SLC4A2: variants seen among roughly 807,000 people sequenced by gnomAD.
The protein encoded by SLC4A2 is anion exchange protein 2.
A neutral mutation model predicts 115.0 loss-of-function variants in SLC4A2; 36 were observed. That is an observed-to-expected ratio of 0.31 (90% CI 0.24 to 0.41). SLC4A2 has a LOEUF of 0.41. SLC4A2 is among the 10% of genes least tolerant of loss of function. SLC4A2 has a pLI of 1.00. For missense variants in SLC4A2, 1,252 were observed against 1,705.6 expected (o/e 0.73, Z 4.68); for synonymous variants, 708 against 708.3 (o/e 1.00, Z 0.01).
At chr7:151,063,140 C>CTGCCGGCTG (rs766788213) in intron 2 of SLC4A2, 1 of 1,466,978 alleles carries the variant, frequency 6.8e-7, no homozygotes. Context: ...GCCGCATTCC[C>CTGCCGGCTG]TGCCGGCTGT....
Position 151,071,770 on chromosome 7 carries a change from G to A in SLC4A2, c.2273G>A (p.Gly758Asp). Residue 758 changes from glycine (G) to aspartate (D), a missense_variant, in exon 15 of 23, where the codon GGT becomes GAT. Gly to Asp is a moderately conservative substitution (Grantham distance 94). This residue lies in a region of SLC4A2 where 118 missense variants were observed against 203.3 expected (regional missense o/e 0.58). Coordinates refer to ENST00000413384, the MANE Select transcript of SLC4A2 (RefSeq NM_003040.4). This position sits in a 1 kb window ranked among gnomAD's most constrained non-coding sequence, Gnocchi z 5.5. ...CAGGGCGTGGTCTTCTGCCTGCTGG[G>A]TGCCCAGCCCCTGTTGGTGATCGGC... ...ALQGVVFCLL[G>D]AQPLLVIGFS... 1.2e-6 allele frequency: 2 copies of A among 1,612,604 alleles called. No homozygotes were observed. Among genetic ancestry groups the A allele is most frequent in the Non-Finnish European group, 1.7e-6 (2 of 1,179,674 alleles).
Position 151,064,892 on chromosome 7 carries a change from G to A in SLC4A2, c.504G>A (p.Arg168=). 1.2e-6 allele frequency: 2 copies of A among 1,613,972 alleles called. No individual in the cohort carries two copies. Among genetic ancestry groups the A allele is most frequent in the African/African-American group, 1.3e-5 (1 of 75,032 alleles). The change falls in exon 5 of 23, where the codon AGG becomes AGA. Residue 168 remains arginine, a synonymous_variant. Coordinates refer to ENST00000413384, the MANE Select transcript of SLC4A2 (RefSeq NM_003040.4). ...ACAGTGCTGACCGGAAGGCAGAGAG[G>A]ACCAGTCCATCTTCCCCTGCACCAC... The part of the protein sequence containing the change: ...EDDSADRKAE[R]TSPSSPAPLP...
Position 151,066,684 on chromosome 7 carries a change from A to G in SLC4A2, c.746A>G (p.Gln249Arg). Residue 249 changes from glutamine to arginine, a missense_variant, in exon 6 of 23, where the codon CAG becomes CGG. Physicochemically the swap from Gln to Arg is conservative, Grantham distance 43 (BLOSUM62 1). Coordinates refer to ENST00000413384, the MANE Select transcript of SLC4A2 (RefSeq NM_003040.4). Reference protein sequence around the residue: ...RRIGSMTGAEQALLPRVPTDE... With the variant: ...RRIGSMTGAERALLPRVPTDE... ...ATCGGGAGCATGACTGGGGCTGAGCAGGCACTGCTGCCCCGGGTCCCCACG... is the reference window on the plus strand; with the variant it reads ...ATCGGGAGCATGACTGGGGCTGAGCGGGCACTGCTGCCCCGGGTCCCCACG... The G allele has an allele frequency of 6.4e-7, 1 of 1,551,480 alleles. No individual in the cohort carries two copies. Among genetic ancestry groups the G allele is most frequent in the Non-Finnish European group, 8.7e-7 (1 of 1,147,364 alleles).
intron 8 of SLC4A2, among the ~76,000 whole-genome samples, chr7:151,069,296 T>C (rs1034556022): frequency 3.3e-5 from 5 of 152,184 alleles, no homozygotes; most frequent in African/African-American, 9.7e-5. Flanking sequence ...GTCTCCAGCC[T>C]GGCTGCTCAG....
chr7:151,075,754 A>G lies in SLC4A2; in HGVS notation c.3450A>G (p.Pro1150=), dbSNP rs761840316. 6.2e-7 allele frequency: 1 copy of G among 1,606,860 alleles called. No individual in the cohort carries two copies. Residue 1150 remains proline (P), a synonymous_variant, in exon 21 of 23, where the codon CCA becomes CCG. Coordinates refer to ENST00000413384, the MANE Select transcript of SLC4A2 (RefSeq NM_003040.4). ...TGCTCATGCCGCCCAAACACCACCC[A>G]GATGTCACTTACGTCAAGAAGGTGA... ...HLLLMPPKHH[P]DVTYVKKVRT...
chr7:151,062,543 C>T lies in SLC4A2; in HGVS notation c.51+505C>T. 2.1e-6 allele frequency: 3 copies of T among 1,399,430 alleles called. No individual in the cohort carries two copies. In the South Asian group the frequency reaches 4.8e-5, roughly 22 times the overall value. The allele number at this position is 1,399,430 out of a possible 1,614,324, so 86.7% of individuals were successfully genotyped here. On this transcript the variant is annotated intron_variant, in intron 2 of 22. Coordinates refer to ENST00000413384, the MANE Select transcript of SLC4A2 (RefSeq NM_003040.4). ...ATGATTAACCCCGTGCCACAATCAG[C>T]TCCGCTATTGGTCACACTGGCCCAG...
At chr7:151,069,140 C>CAAAAA (rs397978007) in intron 8 of SLC4A2, among the ~76,000 whole-genome samples, 4,364 of 40,740 alleles carry the variant, frequency 0.11, 871 homozygotes, top group African/African-American at 0.24. Flanking sequence ...CTCTTATCAC[C>CAAAAA]AAAAAAAAAA....
intron 7 of SLC4A2, among the ~76,000 whole-genome samples, 183 bp from the exon 8 acceptor site, chr7:151,067,691 C>T (rs184938855): frequency 1.1e-4 from 17 of 152,312 alleles, no homozygotes; most frequent in South Asian, 2.1e-4. Flanking sequence ...GAAACTGCGT[C>T]TCATTGGTTA....
chr7:151,076,251 C>T (rs368963319), intron 22 of SLC4A2, 36 bp from the exon 23 acceptor site: 4 of 1,589,624 alleles, frequency 2.5e-6, no homozygotes, highest in East Asian at 2.2e-5. Flanking sequence ...AAGGCCCCCC[C>T]ACTTCCCTTC....
At position 151,075,253 on chromosome 7, in the gene SLC4A2, A is replaced by G; in HGVS notation, c.3048-2A>G. 1 of 1,612,580 alleles carries G rather than the reference A, an allele frequency of 6.2e-7. No homozygotes were observed. ...CCTCAGCAGCACCCCTCCCGCTCTC[A>G]GGCTCATCATCTCCAAGAAGGAGCG... On this transcript the variant is annotated splice_acceptor_variant, in intron 19 of 22. Coordinates refer to ENST00000413384, the MANE Select transcript of SLC4A2 (RefSeq NM_003040.4). LOFTEE classifies it high-confidence loss of function.
rs923347323 is a variant in SLC4A2 at position 151,076,480 on chromosome 7, T to G, written c.*113T>G. 5.5e-6 allele frequency: 5 copies of G among 901,090 alleles called. No homozygotes were observed. Among genetic ancestry groups the G allele is most frequent in the Non-Finnish European group, 8.0e-6 (5 of 622,648 alleles). 55.8% of individuals were successfully genotyped at this position (901,090 alleles called of 1,614,324 possible). A position where few individuals can be genotyped will look rare whatever the true frequency, so the allele number is the denominator to read the frequency against. ...TTATTTAAGTGAATAATTTAAAGTC[T>G]TCTCCTCCCCCACTGCCCCTGCAGT... On this transcript the variant is annotated 3_prime_UTR_variant, in exon 23 of 23. Transcript: ENST00000413384.
intron 8 of SLC4A2, among the ~76,000 whole-genome samples, chr7:151,069,617 G>A (rs1000913138): frequency 2.0e-5 from 3 of 152,196 alleles, no homozygotes; most frequent in Non-Finnish European, 4.4e-5. Context: ...GCCAGAGTGG[G>A]CGGCCTGGAC....
rs762368582 is a variant in SLC4A2, at chr7:151,075,647, C to A, written c.3343C>A (p.Leu1115Met). 4 of 1,605,150 alleles carry A rather than the reference C, an allele frequency of 2.5e-6. No individual in the cohort carries two copies. In the African/African-American group the frequency reaches 4.0e-5, roughly 16 times the overall value. ...VIGDLLRQIPLAVLFGIFLYM... is the reference protein window; with the variant it reads ...VIGDLLRQIPMAVLFGIFLYM... ...CGGGGATCTGCTCCGGCAGATCCCC[C>A]TGGCCGTGCTCTTTGGAATTTTCCT... Residue 1115 changes from leucine to methionine, a missense_variant, in exon 21 of 23, where the codon CTG becomes ATG. This residue lies in a region of SLC4A2 where 253 missense variants were observed against 407.4 expected (regional missense o/e 0.62). Coordinates refer to ENST00000413384, the MANE Select transcript of SLC4A2 (RefSeq NM_003040.4).
rs778979331 is a variant in SLC4A2, at chr7:151,066,742, C to T, written c.804C>T (p.Ala268=). Reference sequence around the variant, plus strand: ...TTGAGGCCCAGACGCTGGCCACGGCCGACCTAGACCTCATGAAGAGTAAGT... The same window carrying T: ...TTGAGGCCCAGACGCTGGCCACGGCTGACCTAGACCTCATGAAGAGTAAGT... ...DEIEAQTLAT[A]DLDLMKSHRF... The change falls in exon 6 of 23, where the codon GCC becomes GCT. Residue 268 remains alanine, a synonymous_variant. Transcript: ENST00000413384. 89 of 1,561,298 alleles carry T rather than the reference C, an allele frequency of 5.7e-5. No individual in the cohort carries two copies. Among genetic ancestry groups the T allele is most frequent in the East Asian group, 9.6e-5 (4 of 41,672 alleles).
intron 8 of SLC4A2, among the ~76,000 whole-genome samples, chr7:151,069,549 G>C (rs1797357096): frequency 6.6e-6 from 1 of 152,212 alleles, no homozygotes; most frequent in African/African-American, 2.4e-5. Flanking sequence ...TAGGCCCCTA[G>C]AGTGACACAG....
Position 151,072,124 on chromosome 7 carries a change from C to T in SLC4A2, c.2523C>T (p.Tyr841=), listed in dbSNP as rs1198516313. The part of the protein sequence containing the change: ...ISLIFIYETF[Y]KLVKIFQEHP... ...TCATCTTCATCTATGAGACCTTCTA[C>T]AAGCTGGTGAAGGTGGGCAGGCCCC... is the stretch of plus-strand genomic sequence containing the variant. Residue 841 remains tyrosine, a synonymous_variant, in exon 16 of 23, where the codon TAC becomes TAT. Transcript: ENST00000413384. The T allele has an allele frequency of 6.2e-7, 1 of 1,613,806 alleles. No individual in the cohort carries two copies. The highest frequency in any genetic ancestry group is 1.3e-5 in the African/African-American group (1 of 75,034).
Position 151,069,967 on chromosome 7 carries a change from G to A in SLC4A2, c.1168G>A (p.Asp390Asn), listed in dbSNP as rs1797374450. Residue 390 changes from aspartate to asparagine, a missense_variant, in exon 9 of 23, where the codon GAC (aspartate) becomes AAC (asparagine). Asp to Asn is a conservative substitution (Grantham distance 23, BLOSUM62 1). Transcript: ENST00000413384. ...LAHGAVLLDL[D>N]QQTLPGVAHQ... ...GCTAGGGGCTGTGCTCTTGGATCTG[G>A]ACCAGCAGACCCTGCCCGGAGTGGC... is the stretch of plus-strand genomic sequence containing the variant. 1 of 1,613,992 alleles carries A rather than the reference G, an allele frequency of 6.2e-7. No homozygotes were observed. Among genetic ancestry groups the A allele is most frequent in the East Asian group, 2.2e-5 (1 of 44,888 alleles).
Position 151,075,728 on chromosome 7 carries a change from C to T in SLC4A2, c.3424C>T (p.Leu1142=). 5 of 1,610,834 alleles carry T rather than the reference C, an allele frequency of 3.1e-6. No homozygotes were observed. Among genetic ancestry groups the T allele is most frequent in the South Asian group, 1.1e-5 (1 of 91,038 alleles). The change falls in exon 21 of 23, where the codon CTG becomes TTG. Residue 1142 remains leucine (L), a synonymous_variant. Coordinates refer to ENST00000413384, the MANE Select transcript of SLC4A2 (RefSeq NM_003040.4). ...CCAGTTCTATGAGCGGCTGCATCTG[C>T]TGCTCATGCCGCCCAAACACCACCC... is the stretch of plus-strand genomic sequence containing the variant. ...GIQFYERLHL[L]LMPPKHHPDV...
intron 2 of SLC4A2, chr7:151,063,082 C>G: frequency 6.6e-7 from 1 of 1,521,252 alleles, no homozygotes; most frequent in East Asian, 2.5e-5. Flanking sequence ...TGGACCAAGG[C>G]TGCCTGGCCA....
Sources: gnomAD v4.1 joint callset for allele counts (sites outside exome capture counted in the v4.1 genomes callset) on GRCh38, gnomAD v4.1.1 for gene constraint, gnomAD v4.1.1 regional missense constraint, Gnocchi (gnomAD v3.1) non-coding constraint, MANE v1.5 for transcripts, NCBI Gene and HGNC (gene_info 2026-07-23, HGNC 2026-07-21) for gene names.